The following CDK6 variants were observed in gnomAD, a reference collection of about 807,000 sequenced individuals.
CDK6 encodes the protein cyclin-dependent kinase 6.
In CDK6, 6 loss-of-function variants were observed where a neutral mutation model predicts 37.1. The ratio of observed to expected loss-of-function variants is 0.16; its 90% CI spans 0.09 to 0.32. The LOEUF is 0.32. CDK6 is among the 10% of genes least tolerant of loss of function. The pLI, the probability that CDK6 is intolerant of heterozygous loss-of-function variation, is 1.00. For missense variants in CDK6, 224 were observed against 418.9 expected (o/e 0.53, Z 4.06); for synonymous variants, 160 against 161.3 (o/e 0.99, Z 0.06).
intron 5 of CDK6, among the ~76,000 whole-genome samples, chr7:92,661,455 T>C (rs1251947161): frequency 6.6e-6 from 1 of 152,104 alleles, no homozygotes; most frequent in African/African-American, 2.4e-5. Flanking sequence ...AATGGCCGAG[T>C]ATTGACTGGA....
intron 4 of CDK6, among the ~76,000 whole-genome samples, chr7:92,694,843 C>G (rs1324740247): frequency 6.6e-6 from 1 of 151,886 alleles, no homozygotes; most frequent in African/African-American, 2.4e-5. Context: ...ATAAAAAGAC[C>G]ACAGCAAAAA....
chr7:92,728,455 C>T (rs976129202), intron 3 of CDK6, among the ~76,000 whole-genome samples: 3 of 152,158 alleles, frequency 2.0e-5, no homozygotes, highest in Admixed American at 2.0e-4. Context: ...TAATAAAATT[C>T]TGCAATATGA....
intron 5 of CDK6, among the ~76,000 whole-genome samples, chr7:92,623,907 T>TC (rs1191727634): frequency 6.6e-6 from 1 of 152,150 alleles, no homozygotes; most frequent in African/African-American, 2.4e-5. Context: ...CCTGATTCCT[T>TC]CCTCAACAAA....
At chr7:92,788,768 A>C (rs1401827242) in intron 2 of CDK6, among the ~76,000 whole-genome samples, 1 of 152,198 alleles carries the variant, frequency 6.6e-6, no homozygotes, top group African/African-American at 2.4e-5. Flanking sequence ...AAGATGAACA[A>C]CTACTTCTCA....
intron 5 of CDK6, among the ~76,000 whole-genome samples, chr7:92,664,911 G>A (rs1421853926): frequency 3.3e-5 from 5 of 150,946 alleles, no homozygotes; most frequent in African/African-American, 1.2e-4. Flanking sequence ...TCAGCCTCCC[G>A]AGTAGGTGGG....
chr7:92,815,705 G>A (rs1237999240), intron 2 of CDK6, among the ~76,000 whole-genome samples: 1 of 152,182 alleles, frequency 6.6e-6, no homozygotes, highest in Admixed American at 6.5e-5. Flanking sequence ...AGAAGACAAG[G>A]AGGCCAAAGT....
intron 5 of CDK6, among the ~76,000 whole-genome samples, chr7:92,657,238 T>C (rs1191924387): frequency 2.0e-5 from 3 of 152,184 alleles, no homozygotes; most frequent in Admixed American, 1.3e-4. Context: ...TGTGACCAGG[T>C]AGACCTGAGA....
chr7:92,620,457 T>C (rs1306437672), intron 6 of CDK6, among the ~76,000 whole-genome samples: 1 of 152,046 alleles, frequency 6.6e-6, no homozygotes. Context: ...CCAGAGTGAG[T>C]TCCGTTCTCT....
At chr7:92,794,688 C>CA (rs2115871664) in intron 2 of CDK6, among the ~76,000 whole-genome samples, 1 of 152,218 alleles carries the variant, frequency 6.6e-6, no homozygotes, top group African/African-American at 2.4e-5. Flanking sequence ...CAGGACTCCT[C>CA]TGTGCTACCA....
chr7:92,627,617 G>A (rs1240398215), intron 5 of CDK6, among the ~76,000 whole-genome samples: 2 of 151,622 alleles, frequency 1.3e-5, no homozygotes, highest in Non-Finnish European at 2.9e-5. Context: ...CCAGTTCATG[G>A]TATTTTGTTA....
chr7:92,641,998 T>C (rs1023672714), intron 5 of CDK6, among the ~76,000 whole-genome samples: 1 of 152,222 alleles, frequency 6.6e-6, no homozygotes, highest in African/African-American at 2.4e-5. Flanking sequence ...ATCATTTTCA[T>C]CTGAGTGACT....
chr7:92,785,354 G>A (rs1449871626), intron 2 of CDK6, among the ~76,000 whole-genome samples: 1 of 152,148 alleles, frequency 6.6e-6, no homozygotes, highest in Non-Finnish European at 1.5e-5. Flanking sequence ...GAAATCGAAA[G>A]TGGATTTGTG....
chr7:92,654,277 G>A (rs1322893582), intron 5 of CDK6, among the ~76,000 whole-genome samples: 1 of 150,050 alleles, frequency 6.7e-6, no homozygotes, highest in African/African-American at 2.5e-5. Context: ...TTCTGATTTA[G>A]CTAATCACTT....
At chr7:92,809,984 T>A (rs1584110372) in intron 2 of CDK6, among the ~76,000 whole-genome samples, 1 of 152,214 alleles carries the variant, frequency 6.6e-6, no homozygotes, top group Admixed American at 6.5e-5. Flanking sequence ...CTTTTCTCAG[T>A]AACGCAGGGT....
chr7:92,768,011 A>G (rs761396998), intron 3 of CDK6, among the ~76,000 whole-genome samples: 24 of 152,174 alleles, frequency 1.6e-4, no homozygotes, highest in Non-Finnish European at 3.1e-4. Flanking sequence ...TAGGTAAAAC[A>G]TTATAATAAC....
At chr7:92,640,676 T>G (rs1186041309) in intron 5 of CDK6, among the ~76,000 whole-genome samples, 3 of 152,146 alleles carry the variant, frequency 2.0e-5, no homozygotes, top group Non-Finnish European at 2.9e-5. Flanking sequence ...CCAATCTTCC[T>G]CCTTAAAAAT....
intron 4 of CDK6, among the ~76,000 whole-genome samples, chr7:92,705,790 TC>T (rs894339805): frequency 2.7e-4 from 41 of 152,300 alleles, no homozygotes; most frequent in African/African-American, 7.2e-4. Flanking sequence ...AGACAAATGT[TC>T]TTAAAGACTA....
intron 4 of CDK6, among the ~76,000 whole-genome samples, chr7:92,682,264 T>C (rs2116625490): frequency 6.6e-6 from 1 of 152,332 alleles, no homozygotes; most frequent in East Asian, 1.9e-4. Flanking sequence ...TTACCTCCAA[T>C]GCTCTCATAA....
intron 5 of CDK6, among the ~76,000 whole-genome samples, chr7:92,628,331 A>G (rs1795976683): frequency 6.6e-6 from 1 of 151,854 alleles, no homozygotes; most frequent in African/African-American, 2.4e-5. Context: ...TACACTGCAC[A>G]TATATGATCT....
Sources: allele counts gnomAD v4.1 joint callset (sites outside exome capture counted in the v4.1 genomes callset), GRCh38; gene constraint gnomAD v4.1.1; transcripts MANE v1.5; gene names NCBI Gene and HGNC (gene_info 2026-07-23, HGNC 2026-07-21).